Variants in SORCS2 observed in about 807,000 individuals in gnomAD.
The protein encoded by SORCS2 is VPS10 domain-containing receptor SorCS2.
SORCS2 carries 100 observed loss-of-function variants against 141.6 expected under a neutral mutation model. The ratio of observed to expected loss-of-function variants is 0.71; its 90% confidence interval spans 0.60 to 0.83. SORCS2 has a LOEUF of 0.83. Ranked by LOEUF, SORCS2 falls within the 40% of genes least tolerant of loss-of-function variation. SORCS2 has a pLI of 0.00. For synonymous variants in SORCS2, 789 were observed against 676.9 expected (o/e 1.17, Z -2.57); for missense variants, 1,646 against 1,560.2 (o/e 1.05, Z -0.93).
At chr4:7,365,234 C>T (rs530276896) in intron 1 of SORCS2, among the ~76,000 whole-genome samples, 5 of 152,272 alleles carry the variant, frequency 3.3e-5, no homozygotes, top group African/African-American at 9.6e-5. Flanking sequence ...CTGGCTGCAG[C>T]ATGGAGGATG....
At chr4:7,311,679 C>T (rs965009455) in intron 1 of SORCS2, among the ~76,000 whole-genome samples, 5 of 152,158 alleles carry the variant, frequency 3.3e-5, no homozygotes, top group Non-Finnish European at 5.9e-5. Context: ...GCTTATTTCC[C>T]ATCCATGTAT....
chr4:7,490,699 TG>T (rs1013956261), intron 2 of SORCS2, among the ~76,000 whole-genome samples: 1 of 152,106 alleles, frequency 6.6e-6, no homozygotes, highest in Admixed American at 6.5e-5. Context: ...TCCAGTGAAA[TG>T]GGGGCAGGTT....
intron 3 of SORCS2, among the ~76,000 whole-genome samples, chr4:7,623,799 C>A (rs545465690): frequency 6.6e-6 from 1 of 152,198 alleles, no homozygotes; most frequent in Non-Finnish European, 1.5e-5. Context: ...AGACTGTGTG[C>A]TCCATGGAGC....
chr4:7,238,624 A>T (rs1013837606), intron 1 of SORCS2, among the ~76,000 whole-genome samples: 1 of 152,160 alleles, frequency 6.6e-6, no homozygotes, highest in Non-Finnish European at 1.5e-5. Context: ...GGATGGTGGA[A>T]GCCAGGCCTG....
rs545884574 is a variant in SORCS2 at position 7,488,447 on chromosome 4, G to A, written c.549-43083G>A. 5.3e-5 allele frequency among the ~76,000 whole-genome samples: 8 copies of A among 152,322 alleles called. No homozygotes were observed. In the East Asian group the frequency reaches 1.2e-3, roughly 22 times the overall value. ...AGGAGCACTTGTCCCCATGAGCGCCGCCTGGCTACTGCATGTGGTGCAGGT... is the reference window on the plus strand; with the variant it reads ...AGGAGCACTTGTCCCCATGAGCGCCACCTGGCTACTGCATGTGGTGCAGGT... On this transcript the variant is annotated intron_variant, in intron 2 of 26. Transcript: ENST00000507866.
At chr4:7,253,122 G>C (rs1168830258) in intron 1 of SORCS2, among the ~76,000 whole-genome samples, 1 of 152,258 alleles carries the variant, frequency 6.6e-6, no homozygotes, top group African/African-American at 2.4e-5. Flanking sequence ...AGGGTGTCCT[G>C]GTGATCACAA....
intron 1 of SORCS2, among the ~76,000 whole-genome samples, chr4:7,391,171 C>T (rs945995226): frequency 6.6e-6 from 1 of 152,234 alleles, no homozygotes; most frequent in Admixed American, 6.5e-5. Flanking sequence ...GAAGTGCCCA[C>T]TCTGCCAGGG....
chr4:7,366,825 C>T (rs551895612), intron 1 of SORCS2, among the ~76,000 whole-genome samples: 104 of 152,320 alleles, frequency 6.8e-4, no homozygotes, highest in African/African-American at 2.4e-3. Context: ...TCAAGTGTGT[C>T]CCTGGCTCAC....
At chr4:7,381,805 C>G in intron 1 of SORCS2, 3 of 620,242 alleles carry the variant, frequency 4.8e-6, no homozygotes, top group Non-Finnish European at 6.0e-6. Context: ...CCATGTGCAG[C>G]CTGAAGGCCA....
chr4:7,678,026 G>T (rs1390948402), intron 9 of SORCS2, among the ~76,000 whole-genome samples: 2 of 152,216 alleles, frequency 1.3e-5, no homozygotes, highest in African/African-American at 4.8e-5. Context: ...CATCTGTGAT[G>T]CCTGCACCAC....
chr4:7,570,468 C>T (rs1715315117), intron 3 of SORCS2, among the ~76,000 whole-genome samples: 1 of 152,220 alleles, frequency 6.6e-6, no homozygotes, highest in Non-Finnish European at 1.5e-5. Context: ...TGGAGGCGCC[C>T]CCAGCAGCTA....
intron 2 of SORCS2, among the ~76,000 whole-genome samples, chr4:7,492,112 A>G (rs576675231): frequency 8.5e-5 from 13 of 152,318 alleles, no homozygotes; most frequent in African/African-American, 2.9e-4. Flanking sequence ...GTCCCTCTCA[A>G]GAGACAGGTG....
intron 1 of SORCS2, among the ~76,000 whole-genome samples, chr4:7,344,153 G>C (rs988202628): frequency 3.9e-5 from 6 of 152,254 alleles, no homozygotes; most frequent in African/African-American, 1.4e-4. Flanking sequence ...CGTGTCTGCT[G>C]TCCTTTGACT....
intron 1 of SORCS2, among the ~76,000 whole-genome samples, chr4:7,373,595 T>C (rs113724368): frequency 0.012 from 1,736 of 147,348 alleles, 18 homozygotes; most frequent in African/African-American, 0.021. Context: ...CAGGTTCAAG[T>C]GATTCTCCTG....
At chr4:7,671,882 A>G (rs1453279300) in intron 8 of SORCS2, among the ~76,000 whole-genome samples, 1 of 152,036 alleles carries the variant, frequency 6.6e-6, no homozygotes, top group Non-Finnish European at 1.5e-5. Flanking sequence ...AACTCTAAGA[A>G]TGATAAACAC....
chr4:7,705,869 C>A lies in SORCS2; in HGVS notation c.1868+1585C>A, dbSNP rs1467173546. 2.0e-5 allele frequency among the ~76,000 whole-genome samples: 3 copies of A among 152,268 alleles called. No homozygotes were observed. In the East Asian group the frequency reaches 5.8e-4, roughly 29 times the overall value. Reference sequence around the variant, plus strand: ...CCTCTATCTCCCTCCATGTGCCCCACCCTCCCCAGCAGGCGCACAGCTCCC... The same window carrying A: ...CCTCTATCTCCCTCCATGTGCCCCAACCTCCCCAGCAGGCGCACAGCTCCC... On this transcript the variant is annotated intron_variant, in intron 14 of 26. Transcript: ENST00000507866.
rs548241763 is a variant in SORCS2, at chr4:7,331,956, G to A, written c.481-64332G>A. ...GAGCCTGGGTCTGTATCCAGCGTCC[G>A]CCCTCTGCCAGGCCGTCCTGAGAGC... On this transcript the variant is annotated intron_variant, in intron 1 of 26. Transcript: ENST00000507866. Among the ~76,000 whole-genome samples the A allele has an allele frequency of 5.3e-5, 8 of 152,300 alleles. No individual in the cohort carries two copies. In the East Asian group the frequency reaches 7.7e-4, roughly 15 times the overall value.
chr4:7,687,266 C>T (rs140281148), intron 10 of SORCS2, among the ~76,000 whole-genome samples: 25 of 152,260 alleles, frequency 1.6e-4, no homozygotes, highest in Non-Finnish European at 2.8e-4. Flanking sequence ...CCTTCTGCAG[C>T]GCAGAAGCCC....
rs1323965859 is a variant in SORCS2 at position 7,708,855 on chromosome 4, T to C, written c.1869-3878T>C. On this transcript the variant is annotated intron_variant, in intron 14 of 26. Coordinates refer to ENST00000507866, the MANE Select transcript of SORCS2 (RefSeq NM_020777.3). ...GGATGGGGACCCTGGGAGCCTGTCC[T>C]GTAAAAATTGGGTGGGGATAATCAC... Among the ~76,000 whole-genome samples the C allele has an allele frequency of 5.3e-5, 8 of 152,218 alleles. No individual in the cohort carries two copies. The South Asian group carries it at 1.2e-3, about 24-fold the overall frequency.
Sources: gnomAD v4.1 joint callset for allele counts (sites outside exome capture counted in the v4.1 genomes callset) on GRCh38, gnomAD v4.1.1 for gene constraint, MANE v1.5 for transcripts, NCBI Gene and HGNC (gene_info 2026-07-23, HGNC 2026-07-21) for gene names.